KMT2B: variants seen among roughly 807,000 people sequenced by gnomAD.
KMT2B encodes lysine methyltransferase 2B, also known as histone-lysine N-methyltransferase 2B.
Under a neutral mutation model 255.3 loss-of-function variants are expected in KMT2B, and 22 were observed. The observed-to-expected ratio is 0.09, with a 90% CI of 0.06 to 0.12. The LOEUF (loss-of-function observed/expected upper bound fraction) is 0.12, where lower values mean the gene tolerates loss of function less well. Among genes scored for constraint, KMT2B ranks in the 10% least tolerant of loss-of-function variants. The pLI is 1.00. For missense variants in KMT2B, 3,149 were observed against 3,737.0 expected (o/e 0.84, Z 4.10); for synonymous variants, 1,730 against 1,498.1 (o/e 1.15, Z -3.57).
chr19:35,730,227 TCTC>T (rs1969638258), intron 23 of KMT2B, 102 bp downstream of exon 23: 9 of 1,595,466 alleles, frequency 5.6e-6, no homozygotes, highest in Non-Finnish European at 7.7e-6. Context: ...CCTCTCAGTG[TCTC>T]CTCATCTGTT....
rs752655321 is a variant in KMT2B at position 35,721,698 on chromosome 19, C to T, written c.2351C>T (p.Pro784Leu). 1.7e-5 allele frequency: 27 copies of T among 1,610,464 alleles called. No homozygotes were observed. The highest frequency in any genetic ancestry group is 1.4e-4 in the Admixed American group (8 of 59,248). Residue 784 changes from proline to leucine, a missense_variant, in exon 3 of 37, where the codon CCG becomes CTG. Transcript: ENST00000420124. ...CGGATTGCGGGCGTGGGTTCCTTGCCGCTGTCTGGGGTAGAGGAGAAGATG... is the reference window on the plus strand; with the variant it reads ...CGGATTGCGGGCGTGGGTTCCTTGCTGCTGTCTGGGGTAGAGGAGAAGATG... ...KARIAGVGSL[P>L]LSGVEEKMFS...
Position 35,730,324 on chromosome 19 carries a change from T to G in KMT2B, c.5077-18T>G, listed in dbSNP as rs763910143. 1 of 1,609,148 alleles carries G rather than the reference T, an allele frequency of 6.2e-7. No homozygotes were observed. Among genetic ancestry groups the G allele is most frequent in the Non-Finnish European group, 8.5e-7 (1 of 1,175,794 alleles). ...CCCCACCAATGCAGCCACCTCACTT[T>G]GCCACCCCCTCTTCCAGGAAATTGT... On this transcript the variant is annotated intron_variant, in intron 23 of 36. Transcript: ENST00000420124.
At chr19:35,726,703 GC>G (rs1259646568) in intron 14 of KMT2B, among the ~76,000 whole-genome samples, 1 of 152,178 alleles carries the variant, frequency 6.6e-6, no homozygotes, top group Non-Finnish European at 1.5e-5. Context: ...TCATCCTAAG[GC>G]CGAGCACAGT....
Position 35,728,762 on chromosome 19 carries a change from G to C in KMT2B, c.4572-12G>C. The C allele has an allele frequency of 6.2e-7, 1 of 1,609,958 alleles. No homozygotes were observed. Among genetic ancestry groups the C allele is most frequent in the Non-Finnish European group, 8.5e-7 (1 of 1,176,388 alleles). On this transcript the variant is annotated splice_polypyrimidine_tract_variant and intron_variant, in intron 19 of 36. Coordinates refer to ENST00000420124, the MANE Select transcript of KMT2B (RefSeq NM_014727.3). ...GTTGGGCACATCAGCTGCTAACCCT[G>C]CCTGTCCACAGCGGAGTCCTTCCCA...
intron 8 of KMT2B, 129 bp from the exon 9 acceptor site, chr19:35,724,505 CAAG>C: frequency 1.3e-6 from 1 of 776,946 alleles, no homozygotes; most frequent in East Asian, 2.7e-5. Context: ...CCTCAAAAAA[CAAG>C]AAAAAGAATC....
In KMT2B at chr19:35,732,457, C is replaced by G. The variant is rs991657581; in HGVS notation, c.5908C>G (p.Pro1970Ala). 8 of 1,613,844 alleles carry G rather than the reference C, an allele frequency of 5.0e-6. No individual in the cohort carries two copies. Among genetic ancestry groups the G allele is most frequent in the South Asian group, 4.4e-5 (4 of 91,082 alleles). ...PPGPAPSPPP[P>A]EDLGPDFEDM... ...TGGCCCGGCCCCATCTCCACCACCC[C>G]CTGAAGACCTGGGCCCAGACTTCGA... The change falls in exon 28 of 37, where the codon CCT becomes GCT. Residue 1970 changes from proline (P) to alanine (A), a missense_variant. Pro to Ala is a conservative substitution (Grantham distance 27, BLOSUM62 -1). Around this residue, in one of 18 missense-constraint regions of KMT2B, gnomAD observed 897 missense variants for 825.3 expected, o/e 1.09. Coordinates refer to ENST00000420124, the MANE Select transcript of KMT2B (RefSeq NM_014727.3).
Position 35,738,271 on chromosome 19 carries a change from C to T in KMT2B, c.7873-11C>T, listed in dbSNP as rs1232218200. 5 of 1,613,196 alleles carry T rather than the reference C, an allele frequency of 3.1e-6. No individual in the cohort carries two copies. The highest frequency in any genetic ancestry group is 4.2e-6 in the Non-Finnish European group (5 of 1,179,446). ...GACAGAGCACCTGATCTCCCCACCT[C>T]ATCCCTGCAGGGCATCGGGTGCTAT... On this transcript the variant is annotated splice_polypyrimidine_tract_variant and intron_variant, in intron 36 of 36. Coordinates refer to ENST00000420124, the MANE Select transcript of KMT2B (RefSeq NM_014727.3). The surrounding 1 kb of genome is among the most constrained non-coding windows in gnomAD (Gnocchi z 8.7).
In KMT2B at chr19:35,733,068, G is replaced by C; in HGVS notation, c.6519G>C (p.Arg2173=). 6.3e-7 allele frequency: 1 copy of C among 1,576,202 alleles called. No individual in the cohort carries two copies. Among genetic ancestry groups the C allele is most frequent in the Non-Finnish European group, 8.6e-7 (1 of 1,160,862 alleles). The change falls in exon 28 of 37, where the codon CGG becomes CGC. Residue 2173 remains arginine (R), a synonymous_variant. Coordinates refer to ENST00000420124, the MANE Select transcript of KMT2B (RefSeq NM_014727.3). The surrounding 1 kb of genome is among the most constrained non-coding windows in gnomAD (Gnocchi z 4.3). The stretch of plus-strand genomic sequence containing the variant: ...GGCTCCCAGGGGCCCCAGGGGTCCG[G>C]GTGTTAAGCCTTGGCCCTGCCCCTG... ...FAWLPGAPGV[R]VLSLGPAPEP... is the part of the protein sequence containing the mutation.
rs867531414 is a variant in KMT2B, at chr19:35,720,642, C to T, written c.1295C>T (p.Pro432Leu). Residue 432 changes from proline (P) to leucine (L), a missense_variant, in exon 3 of 37, where the codon CCA becomes CTA. By Grantham distance (98) the Pro-to-Leu change is moderately conservative (BLOSUM62 -3). Coordinates refer to ENST00000420124, the MANE Select transcript of KMT2B (RefSeq NM_014727.3). ...CCTCCACCCCCACTCTGCCCTCCAC[C>T]ACCACCCCCAGTGTCCCCACCACCT... ...TSPPPPLCPP[P>L]PPPVSPPPLP... The T allele has an allele frequency of 2.0e-6, 3 of 1,474,288 alleles. No homozygotes were observed. Among genetic ancestry groups the T allele is most frequent in the Non-Finnish European group, 2.7e-6 (3 of 1,111,410 alleles). 91.3% of individuals were successfully genotyped at this position (1,474,288 alleles called of 1,614,324 possible).
intron 8 of KMT2B, 43 bp from the exon 9 acceptor site, chr19:35,724,594 C>T (rs769042248): frequency 1.8e-5 from 26 of 1,470,914 alleles, no homozygotes; most frequent in Non-Finnish European, 2.1e-5. Flanking sequence ...AGAAGAGGGG[C>T]GTGGAAGGGG....
chr19:35,732,504 A>T lies in KMT2B; in HGVS notation c.5955A>T (p.Gly1985=), dbSNP rs1048967804. 6.8e-6 allele frequency: 11 copies of T among 1,613,758 alleles called. No homozygotes were observed. Among genetic ancestry groups the T allele is most frequent in the Non-Finnish European group, 9.3e-6 (11 of 1,179,872 alleles). ...TCGAGGACATGGAGGTGGTGTCAGG[A>T]CTGAGTGCTGCTGACCTGGACTTCG... ...PDFEDMEVVS[G]LSAADLDFAA... is the part of the protein sequence containing the mutation. The change falls in exon 28 of 37, where the codon GGA becomes GGT. Residue 1985 remains glycine (G), a synonymous_variant. Coordinates refer to ENST00000420124, the MANE Select transcript of KMT2B (RefSeq NM_014727.3).
chr19:35,727,763 C>G lies in KMT2B; in HGVS notation c.4368C>G (p.Phe1456Leu), dbSNP rs201875104. 7 of 1,613,882 alleles carry G rather than the reference C, an allele frequency of 4.3e-6. No homozygotes were observed. In the Admixed American group the frequency reaches 6.7e-5, roughly 15 times the overall value. ...PCGLQAVSQR[F>L]EDGHYKSVHS... ...GCCTGCAAGCTGTGAGTCAGCGCTT[C>G]GAGGATGGCCACTACAAGTCTGTGG... is the stretch of plus-strand genomic sequence containing the variant. The change falls in exon 17 of 37, where the codon TTC becomes TTG. Residue 1456 changes from phenylalanine (F) to leucine (L), a missense_variant. Around this residue, in one of 18 missense-constraint regions of KMT2B, gnomAD observed 377 missense variants for 471.0 expected, o/e 0.80. Coordinates refer to ENST00000420124, the MANE Select transcript of KMT2B (RefSeq NM_014727.3). The surrounding 1 kb of genome is among the most constrained non-coding windows in gnomAD (Gnocchi z 4.2).
At position 35,723,537 on chromosome 19, in the gene KMT2B, C is replaced by T. The variant is rs753990777; in HGVS notation, c.3058+35C>T. 1.7e-5 allele frequency: 26 copies of T among 1,541,346 alleles called. No homozygotes were observed. Among genetic ancestry groups the T allele is most frequent in the South Asian group, 6.0e-5 (5 of 83,144 alleles). The stretch of plus-strand genomic sequence containing the variant: ...TTTAAGGAGCATTTCTTCTCAAAAC[C>T]GTGTTAGAGTTTGTGCTGTGGAGGG... On this transcript the variant is annotated intron_variant, in intron 7 of 36. Transcript: ENST00000420124. This position sits in a 1 kb window ranked among gnomAD's most constrained non-coding sequence, Gnocchi z 7.5.
In KMT2B at chr19:35,725,168, T is replaced by A. The variant is rs1969386231; in HGVS notation, c.3529-52T>A. 6.3e-7 allele frequency: 1 copy of A among 1,583,158 alleles called. No homozygotes were observed. Among genetic ancestry groups the A allele is most frequent in the Non-Finnish European group, 8.7e-7 (1 of 1,152,462 alleles). ...CTGTGTCATCGAGAAGCCAGGTGGG[T>A]CTGCCTTGTATGCCTGGCGGCCCTC... On this transcript the variant is annotated intron_variant, in intron 10 of 36. Coordinates refer to ENST00000420124, the MANE Select transcript of KMT2B (RefSeq NM_014727.3). This position sits in a 1 kb window ranked among gnomAD's most constrained non-coding sequence, Gnocchi z 4.1.
chr19:35,736,298 T>G (rs1367439205), intron 30 of KMT2B: 1 of 176,234 alleles, frequency 5.7e-6, no homozygotes, highest in Non-Finnish European at 1.2e-5. Context: ...ATTTGCTGCA[T>G]CTAAAAAAAA....
chr19:35,726,211 C>A (rs751458854), intron 13 of KMT2B, 25 bp from the exon 14 acceptor site: 4 of 1,584,426 alleles, frequency 2.5e-6, no homozygotes, highest in Non-Finnish European at 2.6e-6. Flanking sequence ...CCTGGTTTTC[C>A]CCTAACATCG....
rs748191051 is a variant in KMT2B at position 35,728,128 on chromosome 19, G to A, written c.4528G>A (p.Ala1510Thr). 8.1e-6 allele frequency: 13 copies of A among 1,600,496 alleles called. No individual in the cohort carries two copies. The highest frequency in any genetic ancestry group is 1.0e-5 in the Non-Finnish European group (12 of 1,174,132). ...AGAATCTGCGTTCGGCTGGTTCGAC[G>A]CCCACGACCCCAAGTACTGGCGACG... ...LLESAFGWFD[A>T]HDPKYWRRST... is the part of the protein sequence containing the mutation. The change falls in exon 19 of 37, where the codon GCC (alanine) becomes ACC (threonine). Residue 1510 changes from alanine (A) to threonine (T), a missense_variant. Transcript: ENST00000420124.
rs748775538 is a variant in KMT2B at position 35,723,811 on chromosome 19, C to G, written c.3138C>G (p.Arg1046=). ...PEASPGPPGP[R]RGAGAGGPRE... ...CCTCCCCTGGTCCTCCAGGCCCACGCCGGGGGGCGGGAGCTGGGGGGCCCC... is the reference window on the plus strand; with the variant it reads ...CCTCCCCTGGTCCTCCAGGCCCACGGCGGGGGGCGGGAGCTGGGGGGCCCC... The change falls in exon 8 of 37, where the codon CGC becomes CGG. Residue 1046 remains arginine (R), a synonymous_variant. Transcript: ENST00000420124. This position sits in a 1 kb window ranked among gnomAD's most constrained non-coding sequence, Gnocchi z 7.5. The G allele has an allele frequency of 6.3e-7, 1 of 1,593,100 alleles. No homozygotes were observed. The highest frequency in any genetic ancestry group is 8.6e-7 in the Non-Finnish European group (1 of 1,169,140).
Position 35,718,106 on chromosome 19 carries a change from G to A in KMT2B, c.88G>A (p.Gly30Ser), listed in dbSNP as rs1315348887. 2.5e-5 allele frequency: 25 copies of A among 993,614 alleles called. No homozygotes were observed. The Admixed American group carries it at 1.5e-3, about 59-fold the overall frequency. 61.5% of individuals were successfully genotyped at this position (993,614 alleles called of 1,614,324 possible). Residue 30 changes from glycine (G) to serine (S), a missense_variant, in exon 1 of 37, where the codon GGC becomes AGC. Around this residue, in one of 18 missense-constraint regions of KMT2B, gnomAD observed 10 missense variants for 26.9 expected, o/e 0.37. Coordinates refer to ENST00000420124, the MANE Select transcript of KMT2B (RefSeq NM_014727.3). This position sits in a 1 kb window ranked among gnomAD's most constrained non-coding sequence, Gnocchi z 5.0. ...GGGCCGGCCGCGGGGCGCCGGCGGGGGCGGGGGCCGCGGCGGACGGGGCAA... is the reference window on the plus strand; with the variant it reads ...GGGCCGGCCGCGGGGCGCCGGCGGGAGCGGGGGCCGCGGCGGACGGGGCAA... ...FPGRPRGAGG[G>S]GGRGGRGNGA...
Sources: allele counts gnomAD v4.1 joint callset (sites outside exome capture counted in the v4.1 genomes callset), GRCh38; gene constraint gnomAD v4.1.1; regional missense constraint gnomAD v4.1.1; non-coding constraint Gnocchi (gnomAD v3.1); transcripts MANE v1.5; gene names NCBI Gene and HGNC (gene_info 2026-07-23, HGNC 2026-07-21).